Variants in FSTL5 observed in about 807,000 individuals in gnomAD.
The protein encoded by FSTL5 is follistatin-related protein 5.
A neutral mutation model predicts 89.1 loss-of-function variants in FSTL5; 62 were observed. That is an observed-to-expected ratio of 0.70 (90% CI 0.57 to 0.86). The LOEUF (loss-of-function observed/expected upper bound fraction) is 0.86. FSTL5 is among the 40% of genes least tolerant of loss of function. The probability of loss-of-function intolerance (pLI) is 0.00; values close to 1 mark genes in which losing one functional copy is unlikely to be tolerated. For missense variants in FSTL5, 1,057 were observed against 1,001.6 expected (o/e 1.06, Z -0.75); for synonymous variants, 383 against 346.2 (o/e 1.11, Z -1.18).
chr4:161,973,897 A>C (rs193049550), intron 3 of FSTL5, among the ~76,000 whole-genome samples: 27 of 152,320 alleles, frequency 1.8e-4, no homozygotes, highest in African/African-American at 6.3e-4. Context: ...GCTGATAAGG[A>C]ACTTCAGCAA....
chr4:161,953,445 A>T lies in FSTL5; in HGVS notation c.161-32793T>A, dbSNP rs992205649. 1.1e-4 allele frequency among the ~76,000 whole-genome samples: 17 copies of T among 151,790 alleles called. 1 individual carries two copies. In the South Asian group the frequency reaches 3.3e-3, roughly 30 times the overall value. ...GGAAAAAAATACTATAAAATATAGG[A>T]CAACTTGCTTTATGCGCAAGATATT... is the stretch of plus-strand genomic sequence containing the variant. On this transcript the variant is annotated intron_variant, in intron 3 of 15. Transcript: ENST00000306100.
intron 4 of FSTL5, among the ~76,000 whole-genome samples, chr4:161,807,451 G>A (rs193054152): frequency 2.0e-5 from 3 of 152,094 alleles, no homozygotes; most frequent in Non-Finnish European, 2.9e-5. Context: ...ACAGAATTGA[G>A]ATTCAAGTTG....
At chr4:161,629,589 C>A (rs181855806) in intron 7 of FSTL5, among the ~76,000 whole-genome samples, 9 of 152,230 alleles carry the variant, frequency 5.9e-5, no homozygotes, top group Admixed American at 5.9e-4. Context: ...AGGTAATCCA[C>A]CCGCCTCGGC....
At chr4:162,068,777 T>G (rs58262560) in intron 2 of FSTL5, among the ~76,000 whole-genome samples, 4,478 of 151,830 alleles carry the variant, frequency 0.029, 156 homozygotes, top group East Asian at 0.086. Flanking sequence ...GGGAGAAAAT[T>G]TTTGCAATCT....
chr4:161,493,816 G>T (rs1232787667), intron 12 of FSTL5, among the ~76,000 whole-genome samples: 1 of 152,012 alleles, frequency 6.6e-6, no homozygotes, highest in Non-Finnish European at 1.5e-5. Flanking sequence ...CATTCTGATG[G>T]TATTCATCCA....
At chr4:162,127,569 C>CT (rs372707773) in intron 1 of FSTL5, among the ~76,000 whole-genome samples, 19 of 152,088 alleles carry the variant, frequency 1.2e-4, no homozygotes, top group African/African-American at 4.6e-4. Flanking sequence ...ACCTTTGTTT[C>CT]TTTGAAGTTA....
chr4:161,822,707 G>A (rs1228438721), intron 4 of FSTL5, among the ~76,000 whole-genome samples: 1 of 152,174 alleles, frequency 6.6e-6, no homozygotes, highest in Non-Finnish European at 1.5e-5. Context: ...GTGAGCGGGG[G>A]GGCATGTTTC....
At chr4:161,512,138 ATT>A (rs765864519) in intron 10 of FSTL5, among the ~76,000 whole-genome samples, 13 of 152,056 alleles carry the variant, frequency 8.5e-5, no homozygotes, top group Non-Finnish European at 1.9e-4. Context: ...AAAGAAGTGG[ATT>A]TTTTTGTAGT....
chr4:161,571,148 G>T (rs1732993766), intron 8 of FSTL5, among the ~76,000 whole-genome samples: 1 of 151,938 alleles, frequency 6.6e-6, no homozygotes, highest in African/African-American at 2.4e-5. Context: ...CGGCCAAGAT[G>T]AAACATAGTA....
chr4:161,429,400 C>T (rs1251657184), intron 15 of FSTL5, among the ~76,000 whole-genome samples: 1 of 152,180 alleles, frequency 6.6e-6, no homozygotes, highest in Non-Finnish European at 1.5e-5. Context: ...TTACCACAGG[C>T]CTTGGGCAAG....
intron 3 of FSTL5, among the ~76,000 whole-genome samples, chr4:161,969,070 A>G (rs1192442947): frequency 6.6e-6 from 1 of 151,860 alleles, no homozygotes; most frequent in Non-Finnish European, 1.5e-5. Flanking sequence ...TTTTTACCGC[A>G]TTGACTGGAT....
At chr4:161,932,819 CCCAGTTATTT>C in intron 3 of FSTL5, among the ~76,000 whole-genome samples, 1 of 151,856 alleles carries the variant, frequency 6.6e-6, no homozygotes, top group East Asian at 1.9e-4. Flanking sequence ...GTAAAAGTTT[CCCAGTTATTT>C]TTAAATATTA....
At chr4:161,810,588 T>C (rs6847866) in intron 4 of FSTL5, among the ~76,000 whole-genome samples, 112,986 of 152,006 alleles carry the variant, frequency 0.74, 42,013 homozygotes, top group Admixed American at 0.77. Context: ...CAAAGCTAGG[T>C]TATGCAGCTG....
chr4:161,423,417 C>T (rs926323611), intron 15 of FSTL5, among the ~76,000 whole-genome samples: 1 of 152,046 alleles, frequency 6.6e-6, no homozygotes, highest in African/African-American at 2.4e-5. Flanking sequence ...CTCTCAATTG[C>T]TTTCATTGAC....
intron 1 of FSTL5, among the ~76,000 whole-genome samples, chr4:162,116,526 C>A (rs960446588): frequency 6.6e-6 from 1 of 152,164 alleles, no homozygotes; most frequent in Non-Finnish European, 1.5e-5. Flanking sequence ...CTCCCACCCG[C>A]AGGCAGGAAT....
chr4:161,945,301 CAT>C (rs928797923), intron 3 of FSTL5, among the ~76,000 whole-genome samples: 6 of 152,130 alleles, frequency 3.9e-5, no homozygotes, highest in Non-Finnish European at 5.9e-5. Flanking sequence ...TTTGTGAAAA[CAT>C]GTGTTATATG....
intron 7 of FSTL5, among the ~76,000 whole-genome samples, chr4:161,631,552 G>A (rs1315815388): frequency 1.3e-5 from 2 of 152,170 alleles, no homozygotes; most frequent in Non-Finnish European, 2.9e-5. Context: ...AGGGGGCAGA[G>A]GTTGCAGTGA....
chr4:162,008,969 A>G (rs1211771189), intron 3 of FSTL5, among the ~76,000 whole-genome samples: 1 of 152,078 alleles, frequency 6.6e-6, no homozygotes, highest in Non-Finnish European at 1.5e-5. Flanking sequence ...GTTGAAAATT[A>G]AAAATAAATA....
intron 2 of FSTL5, among the ~76,000 whole-genome samples, chr4:162,053,572 T>C (rs767009569): frequency 1.2e-4 from 18 of 151,850 alleles, no homozygotes; most frequent in East Asian, 3.9e-4. Context: ...ATTTCAAACA[T>C]TGAAATTCCT....
Sources: gnomAD v4.1 joint callset for allele counts (sites outside exome capture counted in the v4.1 genomes callset) on GRCh38, gnomAD v4.1.1 for gene constraint, MANE v1.5 for transcripts, NCBI Gene and HGNC (gene_info 2026-07-23, HGNC 2026-07-21) for gene names.